The following CRPPA variants were observed in gnomAD, a reference collection of about 807,000 sequenced individuals.
The protein encoded by CRPPA is D-ribitol-5-phosphate cytidylyltransferase.
In CRPPA, 43 loss-of-function variants were observed where a neutral mutation model predicts 52.0. The observed-to-expected ratio is 0.83, with a 90% CI of 0.65 to 1.07. The LOEUF (loss-of-function observed/expected upper bound fraction) is 1.07. Ranked by LOEUF, CRPPA falls within the 50% of genes least tolerant of loss-of-function variation. The pLI, the probability that CRPPA is intolerant of heterozygous loss-of-function variation, is 0.00. For missense variants in CRPPA, 629 were observed against 551.7 expected (o/e 1.14, Z -1.40); for synonymous variants, 250 against 203.5 (o/e 1.23, Z -1.94).
intron 6 of CRPPA, among the ~76,000 whole-genome samples, chr7:16,263,136 C>T (rs1041062070): frequency 5.3e-5 from 8 of 152,246 alleles, no homozygotes; most frequent in Admixed American, 4.6e-4. Flanking sequence ...TCATTTTTCT[C>T]ATTAAAAACA....
At chr7:16,216,021 A>T (rs2128398251) in intron 9 of CRPPA, 45 bp downstream of exon 9, 1 of 1,445,546 alleles carries the variant, frequency 6.9e-7, no homozygotes, top group South Asian at 1.3e-5. Context: ...TACCATTAAA[A>T]CTAGTCTACA....
At chr7:16,337,012 G>C (rs1785699806) in intron 3 of CRPPA, among the ~76,000 whole-genome samples, 1 of 152,058 alleles carries the variant, frequency 6.6e-6, no homozygotes, top group Admixed American at 6.5e-5. Flanking sequence ...AATGAAGAGA[G>C]AGATTGCAAT....
chr7:16,139,080 G>A (rs898445912), intron 9 of CRPPA, among the ~76,000 whole-genome samples: 11 of 152,102 alleles, frequency 7.2e-5, no homozygotes, highest in African/African-American at 2.7e-4. Flanking sequence ...GGGATTACAG[G>A]TATGAGCTAC....
At chr7:16,351,985 T>G (rs1012941393) in intron 3 of CRPPA, among the ~76,000 whole-genome samples, 2 of 152,106 alleles carry the variant, frequency 1.3e-5, no homozygotes, top group African/African-American at 4.8e-5. Flanking sequence ...GCAGCACTAT[T>G]TACAATAGCA....
intron 9 of CRPPA, among the ~76,000 whole-genome samples, chr7:16,141,004 C>T (rs2128375746): frequency 6.6e-6 from 1 of 152,218 alleles, no homozygotes; most frequent in South Asian, 2.1e-4. Flanking sequence ...AAGAACCTTG[C>T]CTAGAGTAAA....
At chr7:16,091,930 TG>T (rs1409489173) in intron 9 of CRPPA, 131 bp from the exon 10 acceptor site, 1 of 502,796 alleles carries the variant, frequency 2.0e-6, no homozygotes, top group Non-Finnish European at 3.4e-6. Flanking sequence ...CTCTAGCCAC[TG>T]TCATGGACAC....
intron 9 of CRPPA, among the ~76,000 whole-genome samples, chr7:16,200,588 ATAAT>A (rs1461330891): frequency 5.9e-5 from 9 of 152,238 alleles, no homozygotes; most frequent in Admixed American, 5.9e-4. Context: ...TTTTAGACAT[ATAAT>A]TAATCAAGCT....
intron 9 of CRPPA, among the ~76,000 whole-genome samples, chr7:16,199,786 C>T (rs965684938): frequency 6.6e-6 from 1 of 150,876 alleles, no homozygotes. Context: ...CTAACATGGA[C>T]TGAAAAAAAT....
intron 6 of CRPPA, among the ~76,000 whole-genome samples, chr7:16,265,137 C>A (rs1045104694): frequency 2.0e-5 from 3 of 152,140 alleles, no homozygotes; most frequent in Admixed American, 2.0e-4. Flanking sequence ...GGTTACCAGT[C>A]GGCTAGGTTA....
At chr7:16,294,603 T>A (rs17362810) in intron 5 of CRPPA, among the ~76,000 whole-genome samples, 33,508 of 151,896 alleles carry the variant, frequency 0.22, 4,651 homozygotes, top group Admixed American at 0.31. Context: ...ACAGTATTCT[T>A]TGAGAGAGTG....
intron 2 of CRPPA, among the ~76,000 whole-genome samples, chr7:16,382,358 T>C (rs935342839): frequency 1.2e-4 from 18 of 152,238 alleles, no homozygotes; most frequent in African/African-American, 4.3e-4. Context: ...TGCTGAGAGA[T>C]CCACTGTTAG....
chr7:16,388,662 G>A (rs1290195838), intron 2 of CRPPA, among the ~76,000 whole-genome samples: 2 of 152,162 alleles, frequency 1.3e-5, no homozygotes, highest in South Asian at 2.1e-4. Flanking sequence ...ATCACTTGAG[G>A]TCAGGAGTTT....
At chr7:16,259,588 T>C (rs1420580293) in intron 6 of CRPPA, among the ~76,000 whole-genome samples, 1 of 152,108 alleles carries the variant, frequency 6.6e-6, no homozygotes, top group East Asian at 1.9e-4. Flanking sequence ...GAACACATAT[T>C]ATGCAAACTT....
intron 5 of CRPPA, among the ~76,000 whole-genome samples, chr7:16,286,093 A>ATATATATATATATATAT (rs1554309913): frequency 4.3e-4 from 12 of 27,728 alleles, no homozygotes; most frequent in African/African-American, 6.3e-4. Context: ...TATTTAAAAA[A>ATATATATATATATATAT]AAAAATATAT....
chr7:16,280,883 G>C (rs1318387309), intron 5 of CRPPA, among the ~76,000 whole-genome samples: 9 of 152,264 alleles, frequency 5.9e-5, no homozygotes, highest in African/African-American at 2.2e-4. Context: ...AGCCGGGCAT[G>C]ATGGTGCACT....
intron 8 of CRPPA, among the ~76,000 whole-genome samples, chr7:16,255,920 AACAAAAGCCAAAATTG>A (rs1312577251): frequency 6.6e-6 from 1 of 152,254 alleles, no homozygotes; most frequent in African/African-American, 2.4e-5. Context: ...AAGCAATGGC[AACAAAAGCCAAAATTG>A]ACAAATGGGA....
chr7:16,390,679 C>T (rs1299584999), intron 2 of CRPPA, among the ~76,000 whole-genome samples: 1 of 152,156 alleles, frequency 6.6e-6, no homozygotes, highest in Non-Finnish European at 1.5e-5. Context: ...GCATTTTAAT[C>T]GAGCTTGAGC....
At chr7:16,238,543 A>C (rs1401364374) in intron 8 of CRPPA, among the ~76,000 whole-genome samples, 1 of 152,190 alleles carries the variant, frequency 6.6e-6, no homozygotes, top group Non-Finnish European at 1.5e-5. Context: ...AAAACAATGA[A>C]ACACAAAAAT....
intron 9 of CRPPA, among the ~76,000 whole-genome samples, chr7:16,092,487 T>C (rs1446579056): frequency 6.6e-6 from 1 of 152,134 alleles, no homozygotes; most frequent in Non-Finnish European, 1.5e-5. Flanking sequence ...TATCCCAATA[T>C]CCAATATATT....
Sources: allele counts gnomAD v4.1 joint callset (sites outside exome capture counted in the v4.1 genomes callset), GRCh38; gene constraint gnomAD v4.1.1; transcripts MANE v1.5; gene names NCBI Gene and HGNC (gene_info 2026-07-23, HGNC 2026-07-21).